The following SLCO5A1 variants were observed in gnomAD, a reference collection of about 807,000 sequenced individuals.
The protein encoded by SLCO5A1 is organic anion transporter polypeptide-related protein 4.
A neutral mutation model predicts 65.1 loss-of-function variants in SLCO5A1; 39 were observed. The ratio of observed to expected loss-of-function variants is 0.60; its 90% confidence interval spans 0.46 to 0.78. SLCO5A1 has a LOEUF of 0.78. SLCO5A1 is among the 30% of genes least tolerant of loss of function. The pLI is 0.00. For missense variants in SLCO5A1, 1,029 were observed against 1,069.4 expected (o/e 0.96, Z 0.53); for synonymous variants, 438 against 415.7 (o/e 1.05, Z -0.65).
intron 2 of SLCO5A1, among the ~76,000 whole-genome samples, chr8:69,766,833 A>G (rs7828755): frequency 0.089 from 13,488 of 152,130 alleles, 1,578 homozygotes; most frequent in African/African-American, 0.27. Flanking sequence ...GCTCACTGCT[A>G]TGTCCCCAGT....
Position 69,668,859 on chromosome 8 carries a change from C to A in SLCO5A1, c.*4010G>T, listed in dbSNP as rs184653641. On this transcript the variant is annotated 3_prime_UTR_variant, in exon 10 of 10. Transcript: ENST00000260126. Reference sequence around the variant, plus strand: ...GCCACTAAAGGTAACAATGTCACAGCGACTAAAGGGAACAATCGGGATCAG... The same window carrying A: ...GCCACTAAAGGTAACAATGTCACAGAGACTAAAGGGAACAATCGGGATCAG... 7 of 151,932 alleles carry A rather than the reference C, an allele frequency of 4.6e-5. No homozygotes were observed. The highest frequency in any genetic ancestry group is 1.0e-4 in the Non-Finnish European group (7 of 67,974). The allele number at this position is 151,932 out of a possible 1,614,324, so 9.4% of individuals were successfully genotyped here.
At chr8:69,784,817 AAGAAAGAAAGAAAG>A (rs1818946065) in intron 2 of SLCO5A1, among the ~76,000 whole-genome samples, 1 of 99,370 alleles carries the variant, frequency 1.0e-5, no homozygotes, top group South Asian at 3.4e-4. Context: ...AAGAAAAAGA[AAGAAAGAAAGAAAG>A]AAAGAAAGAA....
intron 4 of SLCO5A1, among the ~76,000 whole-genome samples, chr8:69,742,963 G>T (rs1816856846): frequency 6.6e-6 from 1 of 152,012 alleles, no homozygotes; most frequent in Admixed American, 6.6e-5. Context: ...ACCATGCCTG[G>T]CTAATGTTTT....
chr8:69,820,144 T>C (rs1052094507), intron 2 of SLCO5A1, among the ~76,000 whole-genome samples: 5 of 152,194 alleles, frequency 3.3e-5, no homozygotes, highest in African/African-American at 1.2e-4. Flanking sequence ...TCACGTTAAC[T>C]GGAATAGGCC....
chr8:69,699,077 A>G (rs745456073), intron 6 of SLCO5A1, among the ~76,000 whole-genome samples: 2 of 152,210 alleles, frequency 1.3e-5, no homozygotes, highest in East Asian at 3.8e-4. Context: ...CAAGAGAAAG[A>G]AGAGGCCCTT....
chr8:69,754,351 T>C (rs1218781808), intron 4 of SLCO5A1, among the ~76,000 whole-genome samples: 1 of 152,176 alleles, frequency 6.6e-6, no homozygotes, highest in Non-Finnish European at 1.5e-5. Context: ...AAAATTACAG[T>C]CTTTAAAAAT....
intron 2 of SLCO5A1, among the ~76,000 whole-genome samples, chr8:69,790,443 A>G (rs1819218970): frequency 6.6e-6 from 1 of 152,100 alleles, no homozygotes; most frequent in Admixed American, 6.5e-5. Context: ...TATCTCACCT[A>G]AACACTTAAT....
In SLCO5A1 at chr8:69,832,060, A is replaced by G; in HGVS notation, c.614T>C (p.Ile205Thr). 2 of 1,613,242 alleles carry G rather than the reference A, an allele frequency of 1.2e-6. No individual in the cohort carries two copies. The highest frequency in any genetic ancestry group is 3.3e-5 in the Admixed American group (2 of 59,952). Residue 205 changes from isoleucine to threonine, a missense_variant, in exon 2 of 10, where the codon ATC becomes ACC. Ile to Thr is a moderately conservative substitution (Grantham distance 89). This residue lies in a region of SLCO5A1 where 647 missense variants were observed against 647.5 expected (regional missense o/e 1.00). Transcript: ENST00000260126. The surrounding 1 kb of genome is among the most constrained non-coding windows in gnomAD (Gnocchi z 4.5). ...PLWLAVGGLL[I>T]AFGAALFALP... ...GGCGAAGAGGGCTGCCCCGAAGGCG[A>G]TGAGGAGTCCACCCACGGCCAGCCA...
intron 2 of SLCO5A1, among the ~76,000 whole-genome samples, chr8:69,765,663 C>T (rs1818029016): frequency 6.6e-6 from 1 of 152,194 alleles, no homozygotes; most frequent in Non-Finnish European, 1.5e-5. Flanking sequence ...AAGGTCTAAA[C>T]TGTCCTACCT....
Position 69,765,190 on chromosome 8 carries a change from C to A in SLCO5A1, c.908-3315G>T, listed in dbSNP as rs144580653. Among the ~76,000 whole-genome samples the A allele has an allele frequency of 1.4e-4, 21 of 151,786 alleles. No homozygotes were observed. The East Asian group carries it at 4.1e-3, about 29-fold the overall frequency. On this transcript the variant is annotated intron_variant, in intron 2 of 9. Coordinates refer to ENST00000260126, the MANE Select transcript of SLCO5A1 (RefSeq NM_030958.3). ...TATGTATATGTATGTATATGTGTGC[C>A]TGTGTGTATACAGATACATATATAT...
At chr8:69,800,193 T>C (rs1819672526) in intron 2 of SLCO5A1, among the ~76,000 whole-genome samples, 1 of 151,860 alleles carries the variant, frequency 6.6e-6, no homozygotes, top group African/African-American at 2.4e-5. Context: ...CTGATTTATC[T>C]GATTCGGAAA....
intron 2 of SLCO5A1, among the ~76,000 whole-genome samples, chr8:69,777,686 G>T (rs1175569015): frequency 6.6e-6 from 1 of 152,166 alleles, no homozygotes; most frequent in Non-Finnish European, 1.5e-5. Flanking sequence ...ATTTCATATT[G>T]TTCAGCTCTG....
chr8:69,812,708 G>T (rs894601018), intron 2 of SLCO5A1, among the ~76,000 whole-genome samples: 13 of 152,184 alleles, frequency 8.5e-5, no homozygotes, highest in African/African-American at 2.9e-4. Context: ...TTCATGACTT[G>T]CATTCACTAC....
At chr8:69,793,333 A>T (rs1819351542) in intron 2 of SLCO5A1, among the ~76,000 whole-genome samples, 1 of 152,108 alleles carries the variant, frequency 6.6e-6, no homozygotes, top group Admixed American at 6.5e-5. Flanking sequence ...AAGTAACTTA[A>T]GTTCAGTGCA....
At chr8:69,711,870 AT>A (rs755252537) in intron 5 of SLCO5A1, among the ~76,000 whole-genome samples, 5 of 146,908 alleles carry the variant, frequency 3.4e-5, no homozygotes, top group Non-Finnish European at 7.5e-5. Context: ...CATCATCATC[AT>A]TTTAACAAGC....
chr8:69,735,660 G>T (rs894478480), intron 5 of SLCO5A1, among the ~76,000 whole-genome samples: 46 of 152,250 alleles, frequency 3.0e-4, no homozygotes, highest in Admixed American at 2.2e-3. Flanking sequence ...ACACACTGGG[G>T]TCTGTTGTGG....
intron 2 of SLCO5A1, among the ~76,000 whole-genome samples, chr8:69,767,616 G>T (rs1352539346): frequency 2.6e-5 from 4 of 151,992 alleles, no homozygotes; most frequent in Non-Finnish European, 5.9e-5. Flanking sequence ...TTTAGGCCAG[G>T]CATGGTGGCT....
rs376387582 is a variant in SLCO5A1, at chr8:69,758,263, T to C, written c.1041-2622A>G. Among the ~76,000 whole-genome samples the C allele has an allele frequency of 7.2e-5, 11 of 152,286 alleles. 1 individual carries two copies. The South Asian group carries it at 2.3e-3, about 32-fold the overall frequency. ...GTGCAGTGGCACGATCATGGCTAACTGCAGCCTTGACCTCCCGAGCTCAAG... is the reference window on the plus strand; with the variant it reads ...GTGCAGTGGCACGATCATGGCTAACCGCAGCCTTGACCTCCCGAGCTCAAG... On this transcript the variant is annotated intron_variant, in intron 3 of 9. Coordinates refer to ENST00000260126, the MANE Select transcript of SLCO5A1 (RefSeq NM_030958.3).
chr8:69,822,809 G>T (rs1820703181), intron 2 of SLCO5A1, among the ~76,000 whole-genome samples: 1 of 152,220 alleles, frequency 6.6e-6, no homozygotes, highest in South Asian at 2.1e-4. Context: ...CCCATGACCA[G>T]TTGTTGGTAG....
Sources: allele counts gnomAD v4.1 joint callset (sites outside exome capture counted in the v4.1 genomes callset), GRCh38; gene constraint gnomAD v4.1.1; regional missense constraint gnomAD v4.1.1; non-coding constraint Gnocchi (gnomAD v3.1); transcripts MANE v1.5; gene names NCBI Gene and HGNC (gene_info 2026-07-23, HGNC 2026-07-21).